The following HMGCLL1 variants were observed in gnomAD, a reference collection of about 807,000 sequenced individuals.
HMGCLL1 encodes the protein 3-hydroxy-3-methylglutaryl-CoA lyase like 1.
In HMGCLL1, 36 loss-of-function variants were observed where a neutral mutation model predicts 39.1. The ratio of observed to expected loss-of-function variants is 0.92; its 90% CI spans 0.71 to 1.22. HMGCLL1 has a LOEUF of 1.22. Ranked by LOEUF, HMGCLL1 falls within the 50% of genes most tolerant of loss-of-function variation. The pLI, the probability that HMGCLL1 is intolerant of heterozygous loss-of-function variation, is 0.00. For missense variants in HMGCLL1, 451 were observed against 416.5 expected, an observed-to-expected ratio of 1.08 and a Z score of -0.72; for synonymous variants, 149 against 144.0, an observed-to-expected ratio of 1.03 and a Z score of -0.25.
the HMGCLL1 span, among the ~76,000 whole-genome samples, chr6:55,628,114 TATATAAAATAA>T: frequency 2.8e-4 from 2 of 7,268 alleles, 1 homozygote; most frequent in Non-Finnish European, 4.4e-4. Context: ...CTATATATAA[TATATAAAATAA>T]ATATATATAG....
At chr6:55,614,161 G>A in the HMGCLL1 span, among the ~76,000 whole-genome samples, 1 of 152,094 alleles carries the variant, frequency 6.6e-6, no homozygotes, top group Non-Finnish European at 1.5e-5. Context: ...CATTAAAAAT[G>A]ACCATAGGAT....
the HMGCLL1 span, among the ~76,000 whole-genome samples, chr6:55,643,268 A>T: frequency 1.3e-5 from 2 of 152,054 alleles, no homozygotes; most frequent in South Asian, 4.2e-4. Flanking sequence ...ATAGTGTGTA[A>T]GTGTCCCCTT....
chr6:55,593,929 C>T, the HMGCLL1 span, among the ~76,000 whole-genome samples: 33 of 152,214 alleles, frequency 2.2e-4, no homozygotes, highest in African/African-American at 7.9e-4. Flanking sequence ...ATTTAGCTGG[C>T]TTATAAACCT....
At chr6:55,488,617 G>C (rs1209206360) in intron 7 of HMGCLL1, among the ~76,000 whole-genome samples, 4 of 151,902 alleles carry the variant, frequency 2.6e-5, no homozygotes, top group African/African-American at 9.7e-5. Context: ...CTCTATTGAA[G>C]AGAGATTTTA....
chr6:55,627,918 TATA>T, the HMGCLL1 span, among the ~76,000 whole-genome samples: 1 of 2,972 alleles, frequency 3.4e-4, no homozygotes, highest in African/African-American at 1.3e-3. Context: ...ACTATATATA[TATA>T]ATATATATAC....
chr6:55,440,338 T>C (rs916919549), intron 7 of HMGCLL1, among the ~76,000 whole-genome samples: 20 of 152,166 alleles, frequency 1.3e-4, no homozygotes, highest in Non-Finnish European at 1.5e-5. Context: ...CCAAGGTCAC[T>C]ATCTGGTAGG....
chr6:55,445,252 C>G (rs145603942), intron 7 of HMGCLL1, among the ~76,000 whole-genome samples: 1 of 151,572 alleles, frequency 6.6e-6, no homozygotes, highest in Non-Finnish European at 1.5e-5. Flanking sequence ...TACTGTTATC[C>G]TTATACTAAA....
chr6:55,626,102 C>T, the HMGCLL1 span, among the ~76,000 whole-genome samples: 1 of 152,116 alleles, frequency 6.6e-6, no homozygotes, highest in Non-Finnish European at 1.5e-5. Flanking sequence ...AACACTGAGC[C>T]TTTGATATGA....
chr6:55,477,289 AT>A lies in HMGCLL1; in HGVS notation c.795+18129del, dbSNP rs796188852. Among the ~76,000 whole-genome samples, 38 of 16,132 alleles carry A rather than the reference AT, an allele frequency of 2.4e-3. 6 individuals are homozygous for A. The East Asian group carries it at 0.09, about 38-fold the overall frequency. 10.6% of individuals were successfully genotyped at this position (16,132 alleles called of 152,430 possible). A position where few individuals can be genotyped will look rare whatever the true frequency, so the allele number is the denominator to read the frequency against. ...ATATAATATATATTATATATTATAT[AT>A]AAAATAATATATATTATATATATAA... On this transcript the variant is annotated intron_variant, in intron 7 of 8. Transcript: ENST00000274901.
the HMGCLL1 span, among the ~76,000 whole-genome samples, chr6:55,657,159 C>T: frequency 6.6e-6 from 1 of 151,818 alleles, no homozygotes; most frequent in African/African-American, 2.4e-5. Flanking sequence ...TGTCTTTTTA[C>T]TCTGTTCATA....
the HMGCLL1 span, among the ~76,000 whole-genome samples, chr6:55,617,229 G>T: frequency 1.3e-5 from 2 of 152,002 alleles, no homozygotes; most frequent in African/African-American, 2.4e-5. Context: ...TGTTTTCTTG[G>T]CAAGTAGCCT....
chr6:55,458,441 A>G (rs1764421796), intron 7 of HMGCLL1, among the ~76,000 whole-genome samples: 1 of 152,298 alleles, frequency 6.6e-6, no homozygotes, highest in Non-Finnish European at 1.5e-5. Flanking sequence ...CTCTCCCAAA[A>G]GTTTTATTCT....
At position 55,495,492 on chromosome 6, in the gene HMGCLL1, G is replaced by T. The variant is rs752716887; in HGVS notation, c.722C>A (p.Pro241Gln). 16 of 1,613,896 alleles carry T rather than the reference G, an allele frequency of 9.9e-6. No individual in the cohort carries two copies. Among genetic ancestry groups the T allele is most frequent in the Non-Finnish European group, 1.4e-5 (16 of 1,179,950 alleles). Reference protein sequence around the residue: ...RMLESVMKEIPPGALAVHCHD... With the variant: ...RMLESVMKEIQPGALAVHCHD... ...ACAGTGAACAGCAAGAGCACCTGGTGGGATTTCTTTCATCACACTTTCCAA... is the reference window on the plus strand; with the variant it reads ...ACAGTGAACAGCAAGAGCACCTGGTTGGATTTCTTTCATCACACTTTCCAA... The change falls in exon 7 of 9, where the codon CCA becomes CAA. Residue 241 changes from proline (P) to glutamine (Q), a missense_variant. Coordinates refer to ENST00000274901, the MANE Select transcript of HMGCLL1 (RefSeq NM_001042406.2).
rs202021421 is a variant in HMGCLL1, at chr6:55,435,643, C to G, written c.*19G>C. 1 of 1,391,048 alleles carries G rather than the reference C, an allele frequency of 7.2e-7. No homozygotes were observed. 86.2% of individuals were successfully genotyped at this position (1,391,048 alleles called of 1,614,324 possible). ...GCTGAAATTGATCTTCTCAACGGTA[C>G]GTCATAAATCCATTCAAGTCAAGCA... On this transcript the variant is annotated 3_prime_UTR_variant, in exon 9 of 9. Coordinates refer to ENST00000274901, the MANE Select transcript of HMGCLL1 (RefSeq NM_001042406.2).
At chr6:55,620,168 G>A in the HMGCLL1 span, among the ~76,000 whole-genome samples, 1 of 152,004 alleles carries the variant, frequency 6.6e-6, no homozygotes, top group African/African-American at 2.4e-5. Flanking sequence ...ATATTCCCAT[G>A]TTTGATACAC....
chr6:55,500,504 G>A (rs560665246), intron 5 of HMGCLL1, among the ~76,000 whole-genome samples: 1 of 151,970 alleles, frequency 6.6e-6, no homozygotes, highest in South Asian at 2.1e-4. Flanking sequence ...ATTCTAAGAT[G>A]TAACCAAATT....
chr6:55,598,484 A>G, the HMGCLL1 span, among the ~76,000 whole-genome samples: 2 of 152,166 alleles, frequency 1.3e-5, no homozygotes, highest in African/African-American at 4.8e-5. Context: ...CAACCAGTCA[A>G]TAGCAGCCTT....
At chr6:55,503,827 A>G (rs1180784424) in intron 5 of HMGCLL1, among the ~76,000 whole-genome samples, 1 of 151,624 alleles carries the variant, frequency 6.6e-6, no homozygotes, top group African/African-American at 2.4e-5. Flanking sequence ...TTATTCAATA[A>G]CCAAAGGTTA....
At chr6:55,643,524 T>A in the HMGCLL1 span, among the ~76,000 whole-genome samples, 8 of 152,020 alleles carry the variant, frequency 5.3e-5, no homozygotes, top group African/African-American at 1.4e-4. Flanking sequence ...TATAGTCCCC[T>A]TGTTGTGCTA....
Sources: gnomAD v4.1 joint callset for allele counts (sites outside exome capture counted in the v4.1 genomes callset) on GRCh38, gnomAD v4.1.1 for gene constraint, MANE v1.5 for transcripts, NCBI Gene and HGNC (gene_info 2026-07-23, HGNC 2026-07-21) for gene names.